BMPER: variants seen among roughly 807,000 people sequenced by gnomAD.
BMPER encodes the protein BMP binding endothelial regulator, also known as BMP-binding endothelial regulator protein.
In BMPER, 45 loss-of-function variants were observed where a neutral mutation model predicts 87.3. The observed-to-expected ratio is 0.52, with a 90% confidence interval of 0.41 to 0.66. The LOEUF (loss-of-function observed/expected upper bound fraction) is 0.66. Ranked by LOEUF, BMPER falls within the 30% of genes least tolerant of loss-of-function variation. The pLI, the probability that BMPER is intolerant of heterozygous loss-of-function variation, is 0.00. For missense variants in BMPER, 784 were observed against 867.5 expected (o/e 0.90, Z 1.21); for synonymous variants, 326 against 316.2 (o/e 1.03, Z -0.33).
In BMPER at chr7:34,086,151, T is replaced by G. The variant is rs1789203152; in HGVS notation, c.1745+59T>G. 2.6e-6 allele frequency: 4 copies of G among 1,549,184 alleles called. No individual in the cohort carries two copies. The Admixed American group carries it at 5.1e-5, about 20-fold the overall frequency. On this transcript the variant is annotated intron_variant, in intron 13 of 14. Coordinates refer to ENST00000649409, the MANE Select transcript of BMPER (RefSeq NM_001365308.1). ...TGCAGACCAATAATAGACTTGACCT[T>G]GGAACATGGTGTATGAAATCTCTTG...
intron 13 of BMPER, among the ~76,000 whole-genome samples, chr7:34,128,363 C>G (rs1790455609): frequency 6.6e-6 from 1 of 152,132 alleles, no homozygotes; most frequent in African/African-American, 2.4e-5. Context: ...CATTATTTTC[C>G]TCCTTTATTA....
At chr7:34,106,034 C>G (rs1159823180) in intron 13 of BMPER, among the ~76,000 whole-genome samples, 1 of 152,150 alleles carries the variant, frequency 6.6e-6, no homozygotes, top group African/African-American at 2.4e-5. Context: ...ACACACAAGC[C>G]TTATGCCGAG....
chr7:33,927,376 G>A (rs1784386159), intron 2 of BMPER, among the ~76,000 whole-genome samples: 1 of 152,172 alleles, frequency 6.6e-6, no homozygotes. Flanking sequence ...CAACCTTCCA[G>A]GGCTGGCCTC....
intron 6 of BMPER, among the ~76,000 whole-genome samples, chr7:34,002,474 A>G (rs1562682493): frequency 6.6e-6 from 1 of 151,774 alleles, no homozygotes; most frequent in Non-Finnish European, 1.5e-5. Flanking sequence ...TTTTCAACTT[A>G]TGATTGCTTT....
At chr7:34,083,666 A>G (rs549205419) in intron 12 of BMPER, among the ~76,000 whole-genome samples, 8 of 152,236 alleles carry the variant, frequency 5.3e-5, no homozygotes, top group Admixed American at 2.0e-4. Flanking sequence ...CTCTTGGACT[A>G]TATCCAGACT....
chr7:34,153,846 T>A lies in BMPER; in HGVS notation c.*573T>A, dbSNP rs1791247133. The A allele has an allele frequency of 6.3e-6, 1 of 157,746 alleles. No homozygotes were observed. The highest frequency in any genetic ancestry group is 1.4e-5 in the Non-Finnish European group (1 of 70,902). The allele number at this position is 157,746 out of a possible 1,614,324, so 9.8% of individuals were successfully genotyped here. A position where few individuals can be genotyped will look rare whatever the true frequency, so the allele number is the denominator to read the frequency against. On this transcript the variant is annotated 3_prime_UTR_variant, in exon 15 of 15. Transcript: ENST00000649409. ...TGATAGGCTGTTAGAATGTATTAGG[T>A]CATGGGCTAACATTATTTCCAAAAT... is the stretch of plus-strand genomic sequence containing the variant.
chr7:34,045,498 G>A (rs1274749522), intron 6 of BMPER, among the ~76,000 whole-genome samples: 6 of 152,072 alleles, frequency 3.9e-5, no homozygotes, highest in Admixed American at 1.3e-4. Flanking sequence ...ATGGAGTGCT[G>A]GAGAACAGAA....
intron 2 of BMPER, chr7:33,921,748 G>A (rs757718164): frequency 6.4e-6 from 3 of 471,036 alleles, no homozygotes; most frequent in South Asian, 4.6e-5. Flanking sequence ...GGACGAAGCT[G>A]ACGTGACGTT....
At chr7:34,143,094 T>G in intron 13 of BMPER, 136 bp from the exon 14 acceptor site, 2 of 1,298,792 alleles carry the variant, frequency 1.5e-6, no homozygotes, top group South Asian at 2.4e-5. Flanking sequence ...TTTGCCAATT[T>G]AGATTTCCAG....
At chr7:34,015,762 C>T (rs1787005422) in intron 6 of BMPER, among the ~76,000 whole-genome samples, 1 of 151,890 alleles carries the variant, frequency 6.6e-6, no homozygotes, top group South Asian at 2.1e-4. Flanking sequence ...TGTTATGGGA[C>T]TGAATAATGT....
At chr7:34,040,859 G>A (rs1787814263) in intron 6 of BMPER, among the ~76,000 whole-genome samples, 1 of 152,070 alleles carries the variant, frequency 6.6e-6, no homozygotes, top group Admixed American at 6.5e-5. Flanking sequence ...GGGAGGAGAA[G>A]ACAACATGAA....
intron 6 of BMPER, among the ~76,000 whole-genome samples, chr7:33,988,153 C>A (rs1786065501): frequency 6.6e-6 from 1 of 151,978 alleles, no homozygotes; most frequent in Admixed American, 6.6e-5. Flanking sequence ...TGTTTAGTGT[C>A]CTTTCACATA....
At chr7:33,972,418 A>T (rs1785572624) in intron 5 of BMPER, among the ~76,000 whole-genome samples, 1 of 152,180 alleles carries the variant, frequency 6.6e-6, no homozygotes, top group Non-Finnish European at 1.5e-5. Context: ...CAGCAGTTGA[A>T]GTTGTATTTG....
chr7:33,987,802 C>T (rs1486742964), intron 6 of BMPER, among the ~76,000 whole-genome samples: 3 of 152,066 alleles, frequency 2.0e-5, no homozygotes, highest in Admixed American at 6.5e-5. Context: ...CTTCTTAAAC[C>T]TCTGACTATT....
intron 12 of BMPER, 111 bp from the exon 13 acceptor site, chr7:34,085,645 C>A: frequency 1.9e-6 from 2 of 1,037,806 alleles, no homozygotes; most frequent in South Asian, 1.4e-5. Flanking sequence ...ACCCTTGGTG[C>A]TCCTTATTGG....
intron 13 of BMPER, among the ~76,000 whole-genome samples, chr7:34,131,349 T>A (rs1223852945): frequency 6.6e-6 from 1 of 152,110 alleles, no homozygotes; most frequent in Admixed American, 6.5e-5. Flanking sequence ...AGTGATGGGA[T>A]GTGAATGCTG....
At chr7:34,027,856 A>G (rs1003208573) in intron 6 of BMPER, among the ~76,000 whole-genome samples, 3 of 152,110 alleles carry the variant, frequency 2.0e-5, no homozygotes, top group East Asian at 1.9e-4. Flanking sequence ...AAGAGATGCT[A>G]TTAAAAATGA....
chr7:34,053,766 A>G (rs1297285344), intron 8 of BMPER, among the ~76,000 whole-genome samples: 1 of 152,192 alleles, frequency 6.6e-6, no homozygotes, highest in Non-Finnish European at 1.5e-5. Flanking sequence ...TAGAAGAGGC[A>G]GAGGAAGTGG....
chr7:34,123,380 C>T (rs1790311445), intron 13 of BMPER, among the ~76,000 whole-genome samples: 1 of 152,252 alleles, frequency 6.6e-6, no homozygotes, highest in African/African-American at 2.4e-5. Context: ...ATCAAGGACT[C>T]CTAGAGATGA....
Sources: allele counts gnomAD v4.1 joint callset (sites outside exome capture counted in the v4.1 genomes callset), GRCh38; gene constraint gnomAD v4.1.1; transcripts MANE v1.5; gene names NCBI Gene and HGNC (gene_info 2026-07-23, HGNC 2026-07-21).